PLS1: variants seen among roughly 807,000 people sequenced by gnomAD.
PLS1 encodes plastin-1.
PLS1 carries 32 observed loss-of-function variants against 73.7 expected under a neutral mutation model. The ratio of observed to expected loss-of-function variants is 0.43; its 90% CI spans 0.33 to 0.58. The LOEUF is 0.58. Ranked by LOEUF, PLS1 falls within the 20% of genes least tolerant of loss-of-function variation. PLS1 has a pLI of 0.04. For missense variants in PLS1, 633 were observed against 740.5 expected (o/e 0.85, Z 1.68); for synonymous variants, 217 against 261.3 (o/e 0.83, Z 1.63).
intron 12 of PLS1, among the ~76,000 whole-genome samples, chr3:142,698,898 C>T (rs184488006): frequency 4.5e-4 from 68 of 152,186 alleles, no homozygotes; most frequent in African/African-American, 1.5e-3. Context: ...AATGTTTATA[C>T]AGCACACAAG....
At chr3:142,656,932 T>C (rs2037251195) in intron 1 of PLS1, 1 of 152,216 alleles carries the variant, frequency 6.6e-6, no homozygotes, top group South Asian at 2.1e-4. Flanking sequence ...TCTTTTTCCA[T>C]AAAAGTCAGA....
chr3:142,661,860 A>G (rs1349084363), intron 1 of PLS1, among the ~76,000 whole-genome samples: 1 of 152,158 alleles, frequency 6.6e-6, no homozygotes, highest in Non-Finnish European at 1.5e-5. Context: ...TAAAAATAAG[A>G]GTTGTGGCTA....
intron 1 of PLS1, among the ~76,000 whole-genome samples, chr3:142,641,277 A>G (rs1446519607): frequency 6.9e-6 from 1 of 145,894 alleles, no homozygotes; most frequent in Non-Finnish European, 1.5e-5. Flanking sequence ...TGTATTATCT[A>G]TATATCTATA....
At chr3:142,600,901 TATATATATATA>T (rs1432349535) in intron 1 of PLS1, among the ~76,000 whole-genome samples, 27 of 31,914 alleles carry the variant, frequency 8.5e-4, no homozygotes, top group African/African-American at 3.8e-3. Context: ...TATATATATA[TATATATATATA>T]TATATTTTTT....
At chr3:142,678,576 T>G (rs1231164960) in intron 6 of PLS1, among the ~76,000 whole-genome samples, 1 of 151,682 alleles carries the variant, frequency 6.6e-6, no homozygotes, top group Non-Finnish European at 1.5e-5. Context: ...TCCAATTTCA[T>G]CCATGTCCCT....
chr3:142,687,517 T>C (rs1043169703), intron 9 of PLS1, among the ~76,000 whole-genome samples: 1 of 152,188 alleles, frequency 6.6e-6, no homozygotes, highest in Non-Finnish European at 1.5e-5. Context: ...TGCAACGCTC[T>C]GTAAAATGTG....
chr3:142,636,939 C>G (rs537228810), intron 1 of PLS1, among the ~76,000 whole-genome samples: 1 of 152,048 alleles, frequency 6.6e-6, no homozygotes, highest in Non-Finnish European at 1.5e-5. Context: ...TGTGGAGGAA[C>G]GCGAAATCTC....
chr3:142,645,911 A>T (rs2036943635), intron 1 of PLS1, among the ~76,000 whole-genome samples: 1 of 152,150 alleles, frequency 6.6e-6, no homozygotes, highest in South Asian at 2.1e-4. Flanking sequence ...TTCTGTACCG[A>T]CAAGTCAGGT....
chr3:142,695,221 A>G (rs1172080136), intron 11 of PLS1, among the ~76,000 whole-genome samples: 2 of 152,156 alleles, frequency 1.3e-5, no homozygotes, highest in African/African-American at 4.8e-5. Flanking sequence ...AATTAGCTAA[A>G]TGTATTAATA....
intron 6 of PLS1, among the ~76,000 whole-genome samples, chr3:142,683,243 G>C (rs575452566): frequency 2.6e-5 from 4 of 152,312 alleles, no homozygotes; most frequent in Admixed American, 2.6e-4. Context: ...GGTGGCTCAC[G>C]CCTGTAATCC....
chr3:142,660,799 A>G (rs1261055725), intron 1 of PLS1, among the ~76,000 whole-genome samples: 1 of 152,250 alleles, frequency 6.6e-6, no homozygotes, highest in Non-Finnish European at 1.5e-5. Context: ...ACAACGTTGT[A>G]TGGGTAAATT....
intron 5 of PLS1, 139 bp from the exon 6 acceptor site, chr3:142,677,893 C>T (rs1249942399): frequency 3.4e-5 from 15 of 438,162 alleles, no homozygotes; most frequent in Non-Finnish European, 5.6e-5. Flanking sequence ...ATGCATGTGC[C>T]ACCATGCCTG....
At chr3:142,693,359 C>T (rs1296413198) in intron 10 of PLS1, among the ~76,000 whole-genome samples, 1 of 152,166 alleles carries the variant, frequency 6.6e-6, no homozygotes, top group East Asian at 1.9e-4. Context: ...GTGAAGATGA[C>T]TGTTGCAATC....
intron 1 of PLS1, among the ~76,000 whole-genome samples, chr3:142,608,505 G>A (rs1560027817): frequency 6.6e-6 from 1 of 152,194 alleles, no homozygotes; most frequent in Non-Finnish European, 1.5e-5. Context: ...TGTGAAGGGA[G>A]TAGGAACTGA....
At chr3:142,620,081 G>A (rs2036287138) in intron 1 of PLS1, among the ~76,000 whole-genome samples, 1 of 151,860 alleles carries the variant, frequency 6.6e-6, no homozygotes, top group Non-Finnish European at 1.5e-5. Flanking sequence ...CATTCTCAGG[G>A]GTCATCACTA....
chr3:142,632,626 T>C (rs2036590951), intron 1 of PLS1, among the ~76,000 whole-genome samples: 1 of 149,912 alleles, frequency 6.7e-6, no homozygotes, highest in African/African-American at 2.5e-5. Context: ...TGAGACGGGG[T>C]CTTGTTCTGT....
At chr3:142,709,115 T>C (rs1030311188) in intron 14 of PLS1, among the ~76,000 whole-genome samples, 1 of 152,224 alleles carries the variant, frequency 6.6e-6, no homozygotes, top group Non-Finnish European at 1.5e-5. Context: ...TTAAAATGCA[T>C]TCTAGAATGA....
chr3:142,657,333 G>T (rs2037261645), intron 1 of PLS1, among the ~76,000 whole-genome samples: 1 of 152,108 alleles, frequency 6.6e-6, no homozygotes, highest in South Asian at 2.1e-4. Context: ...TCTTCCCCCT[G>T]ATCCGATTGC....
intron 1 of PLS1, among the ~76,000 whole-genome samples, chr3:142,602,011 G>A (rs1256470734): frequency 1.3e-5 from 2 of 151,692 alleles, no homozygotes; most frequent in African/African-American, 4.8e-5. Context: ...AACTCTAACA[G>A]ATGCTTAGAA....
Sources: allele counts gnomAD v4.1 joint callset (sites outside exome capture counted in the v4.1 genomes callset), GRCh38; gene constraint gnomAD v4.1.1; transcripts MANE v1.5; gene names NCBI Gene and HGNC (gene_info 2026-07-23, HGNC 2026-07-21).